The following ANK2 variants were observed in gnomAD, a reference collection of about 807,000 sequenced individuals.
ANK2 encodes ankyrin 2.
Under a neutral mutation model 360.5 loss-of-function variants are expected in ANK2, and 83 were observed. That is an observed-to-expected ratio of 0.23 (90% CI 0.19 to 0.28). ANK2 has a LOEUF of 0.28. ANK2 is among the 10% of genes least tolerant of loss of function. The pLI is 1.00. For synonymous variants in ANK2, 1,740 were observed against 1,759.5 expected (o/e 0.99, Z 0.28); for missense variants, 4,201 against 4,795.7 (o/e 0.88, Z 3.66).
chr4:113,038,589 C>G (rs574156550), intron 2 of ANK2, among the ~76,000 whole-genome samples: 1 of 152,042 alleles, frequency 6.6e-6, no homozygotes, highest in East Asian at 1.9e-4. Context: ...GCAATGTGAC[C>G]TTTCCACCTA....
intron 1 of ANK2, among the ~76,000 whole-genome samples, chr4:113,103,346 G>A (rs1245768815): frequency 1.3e-5 from 2 of 152,078 alleles, no homozygotes; most frequent in Non-Finnish European, 2.9e-5. Flanking sequence ...TAAATGCTAA[G>A]AAATAGGTGC....
At chr4:113,280,892 A>G (rs1415110842) in intron 17 of ANK2, among the ~76,000 whole-genome samples, 7 of 152,186 alleles carry the variant, frequency 4.6e-5, no homozygotes, top group Non-Finnish European at 7.3e-5. Flanking sequence ...AAAGAAACAC[A>G]TTGTAGCAAA....
intron 17 of ANK2, among the ~76,000 whole-genome samples, chr4:113,280,723 G>A (rs965356756): frequency 2.0e-5 from 3 of 152,180 alleles, no homozygotes; most frequent in African/African-American, 7.2e-5. Flanking sequence ...TGGAGTAAGA[G>A]GGCTTTTCAG....
intron 28 of ANK2, among the ~76,000 whole-genome samples, chr4:113,332,772 T>C (rs1002343814): frequency 3.3e-5 from 5 of 152,214 alleles, no homozygotes; most frequent in African/African-American, 1.2e-4. Context: ...GTTAAATGTG[T>C]TCTACTTACA....
At chr4:113,313,315 T>G (rs182838920) in intron 24 of ANK2, among the ~76,000 whole-genome samples, 111 of 152,340 alleles carry the variant, frequency 7.3e-4, no homozygotes, top group Non-Finnish European at 2.5e-4. Flanking sequence ...TCTCCCTTAT[T>G]AAGAATAAGT....
At chr4:113,345,478 A>G (rs2094737828) in intron 34 of ANK2, among the ~76,000 whole-genome samples, 1 of 152,240 alleles carries the variant, frequency 6.6e-6, no homozygotes, top group Admixed American at 6.5e-5. Context: ...AAGCTGAGTA[A>G]GTTCTGAAGA....
In ANK2 at chr4:112,904,789, G is replaced by A. The variant is rs545054381; in HGVS notation, c.21+275G>A. Among the ~76,000 whole-genome samples the A allele has an allele frequency of 4.3e-4, 66 of 152,188 alleles. 1 individual carries two copies. The South Asian group carries it at 0.013, about 30-fold the overall frequency. ...ATTCATTGCTGGAAAAAGGGAGGTG[G>A]AGGAAAGAAATCTGAATACAATAGA... On this transcript the variant is annotated intron_variant, in intron 2 of 30. Coordinates refer to the ANK2 transcript ENST00000503271.
chr4:112,905,058 A>G (rs1488734707), intron 2 of ANK2, among the ~76,000 whole-genome samples: 1 of 152,174 alleles, frequency 6.6e-6, no homozygotes, highest in Non-Finnish European at 1.5e-5. Flanking sequence ...GACTTAAATG[A>G]TAGAATGTAA....
intron 2 of ANK2, among the ~76,000 whole-genome samples, chr4:112,923,067 G>A (rs942467076): frequency 6.6e-6 from 1 of 152,038 alleles, no homozygotes; most frequent in Non-Finnish European, 1.5e-5. Flanking sequence ...AAATAGAGGT[G>A]CAGTTTCATC....
chr4:113,213,262 T>C lies in ANK2; in HGVS notation c.384+14153T>C, dbSNP rs1431548360. 3.9e-5 allele frequency among the ~76,000 whole-genome samples: 6 copies of C among 152,358 alleles called. No individual in the cohort carries two copies. In the South Asian group the frequency reaches 8.3e-4, roughly 21 times the overall value. On this transcript the variant is annotated intron_variant, in intron 4 of 45. Coordinates refer to ENST00000357077, the MANE Select transcript of ANK2 (RefSeq NM_001148.6). Reference sequence around the variant, plus strand: ...GTGTTTACATTTGCTTGTGTCATAATAGTAAAATGATTTTTGAAGTGTCTA... The same window carrying C: ...GTGTTTACATTTGCTTGTGTCATAACAGTAAAATGATTTTTGAAGTGTCTA...
Position 112,920,732 on chromosome 4 carries a change from A to C in ANK2, c.21+16218A>C, listed in dbSNP as rs183914574. Among the ~76,000 whole-genome samples the C allele has an allele frequency of 3.0e-3, 453 of 152,280 alleles. 2 individuals carry two copies. Among genetic ancestry groups the C allele is most frequent in the African/African-American group, 8.4e-3 (348 of 41,570 alleles). ...CTTTCCTTATATAGCATGTATTTTCATACTACCATCAAGGATGCTCTGTTC... is the reference window on the plus strand; with the variant it reads ...CTTTCCTTATATAGCATGTATTTTCCTACTACCATCAAGGATGCTCTGTTC... On this transcript the variant is annotated intron_variant, in intron 2 of 30. Coordinates refer to the ANK2 transcript ENST00000503271.
At chr4:112,941,192 T>C (rs911905822) in intron 2 of ANK2, among the ~76,000 whole-genome samples, 2 of 151,302 alleles carry the variant, frequency 1.3e-5, no homozygotes, top group African/African-American at 4.8e-5. Flanking sequence ...AAAAAGGATA[T>C]TAAAAAAGAA....
chr4:112,764,035 C>T, the ANK2 span, among the ~76,000 whole-genome samples: 1 of 152,066 alleles, frequency 6.6e-6, no homozygotes, highest in Non-Finnish European at 1.5e-5. Context: ...CCTCCGCCTC[C>T]CTGGTTCAAG....
chr4:113,308,420 A>G (rs993000889), intron 23 of ANK2, among the ~76,000 whole-genome samples: 1 of 152,214 alleles, frequency 6.6e-6, no homozygotes, highest in East Asian at 1.9e-4. Context: ...TGCAAAATTC[A>G]TGAGAGAGGT....
chr4:113,049,611 GC>G (rs1561701541), upstream of ANK2: 1 of 1,500,782 alleles, frequency 6.7e-7, no homozygotes, highest in East Asian at 2.6e-5. Context: ...CCCAGTGCGC[GC>G]CCCTTCCCCA....
chr4:113,247,597 A>C (rs1425519125), intron 9 of ANK2, among the ~76,000 whole-genome samples: 1 of 152,236 alleles, frequency 6.6e-6, no homozygotes, highest in African/African-American at 2.4e-5. Flanking sequence ...CCTTTTCTAA[A>C]AAACATGTAA....
chr4:113,122,296 G>T (rs553324810), intron 1 of ANK2, among the ~76,000 whole-genome samples: 10 of 152,030 alleles, frequency 6.6e-5, no homozygotes, highest in Non-Finnish European at 1.5e-4. Flanking sequence ...GCACTCAGCA[G>T]CCTGTTTCTG....
chr4:112,918,179 A>C (rs1405311391), intron 2 of ANK2, among the ~76,000 whole-genome samples: 3 of 152,114 alleles, frequency 2.0e-5, no homozygotes, highest in Non-Finnish European at 4.4e-5. Context: ...CATCTGATTG[A>C]TTAGGGGCAG....
intron 2 of ANK2, among the ~76,000 whole-genome samples, chr4:113,016,654 T>C (rs1422125118): frequency 1.3e-5 from 2 of 151,974 alleles, no homozygotes; most frequent in Non-Finnish European, 1.5e-5. Flanking sequence ...CAACATAAGT[T>C]TTGTCCTTTT....
Sources: allele counts gnomAD v4.1 joint callset (sites outside exome capture counted in the v4.1 genomes callset), GRCh38; gene constraint gnomAD v4.1.1; transcripts MANE v1.5; gene names NCBI Gene and HGNC (gene_info 2026-07-23, HGNC 2026-07-21).